Variants in STAB2 observed in about 807,000 individuals in gnomAD.
The protein encoded by STAB2 is stabilin-2.
Under a neutral mutation model 338.1 loss-of-function variants are expected in STAB2, and 288 were observed. That is an observed-to-expected ratio of 0.85 (90% CI 0.77 to 0.94). The LOEUF is 0.94. STAB2 is among the 40% of genes least tolerant of loss of function. The pLI is 0.00. For missense variants in STAB2, 3,141 were observed against 3,210.1 expected (o/e 0.98, Z 0.52); for synonymous variants, 1,202 against 1,193.3 (o/e 1.01, Z -0.15).
At position 103,689,950 on chromosome 12, in the gene STAB2, GT is replaced by G; in HGVS notation, c.3152del (p.Leu1051CysfsTer9). On this transcript the variant is annotated frameshift_variant, in exon 29 of 69. Transcript: ENST00000388887. LOFTEE classifies it high-confidence loss of function. ...DMDQDEKSFW[L>X]SQSNIPALIK... is the part of the protein sequence containing the mutation. Reference sequence around the variant, plus strand: ...TGGACCAGGATGAGAAAAGCTTCTGGTTGTCACAGAGCAATATTCCAGCCCT... The same window carrying G: ...TGGACCAGGATGAGAAAAGCTTCTGGTGTCACAGAGCAATATTCCAGCCCT... 1 of 1,614,056 alleles carries G rather than the reference GT, an allele frequency of 6.2e-7. No individual in the cohort carries two copies. Among genetic ancestry groups the G allele is most frequent in the South Asian group, 1.1e-5 (1 of 91,074 alleles).
At chr12:103,764,951 G>A (rs1025724075) in intron 68 of STAB2, among the ~76,000 whole-genome samples, 15 of 135,504 alleles carry the variant, frequency 1.1e-4, no homozygotes, top group South Asian at 1.1e-3. Context: ...AGGCAGGAGC[G>A]GTGGTGCCTG....
At chr12:103,703,425 AC>A in intron 35 of STAB2, 149 bp downstream of exon 35, 1 of 1,054,208 alleles carries the variant, frequency 9.5e-7, no homozygotes, top group Non-Finnish European at 1.4e-6. Context: ...CAAGGAGCAT[AC>A]CAGGCTGTGG....
chr12:103,670,727 G>A lies in STAB2; in HGVS notation c.2291G>A (p.Cys764Tyr). 6.2e-7 allele frequency: 1 copy of A among 1,614,162 alleles called. No individual in the cohort carries two copies. The highest frequency in any genetic ancestry group is 1.3e-5 in the African/African-American group (1 of 75,066). Residue 764 changes from cysteine to tyrosine, a missense_variant, in exon 22 of 69, where the codon TGC (cysteine) becomes TAC (tyrosine). Coordinates refer to ENST00000388887, the MANE Select transcript of STAB2 (RefSeq NM_017564.10). ...GATAGCCTCGGCGGCAACGGGACATGCATTTGTGAGGAGGGCTTCCAAGGC... is the reference window on the plus strand; with the variant it reads ...GATAGCCTCGGCGGCAACGGGACATACATTTGTGAGGAGGGCTTCCAAGGC... ...CADSLGGNGT[C>Y]ICEEGFQGSQ...
chr12:103,730,643 G>A (rs549958168), intron 49 of STAB2, among the ~76,000 whole-genome samples: 1 of 151,974 alleles, frequency 6.6e-6, no homozygotes, highest in Non-Finnish European at 1.5e-5. Flanking sequence ...ACTACACTTA[G>A]ACAAAAAAAA....
At chr12:103,660,632 C>T (rs1383806517) in intron 16 of STAB2, 51 bp from the exon 17 acceptor site, 1 of 1,569,310 alleles carries the variant, frequency 6.4e-7, no homozygotes, top group Non-Finnish European at 8.8e-7. Context: ...GAACTCAGGG[C>T]CCTGCGTGTG....
In STAB2 at chr12:103,704,540, C is replaced by A. The variant is rs1450334513; in HGVS notation, c.3844-18C>A. 1.2e-6 allele frequency: 2 copies of A among 1,611,110 alleles called. No homozygotes were observed. The highest frequency in any genetic ancestry group is 1.7e-6 in the Non-Finnish European group (2 of 1,178,968). On this transcript the variant is annotated intron_variant, in intron 35 of 68. Coordinates refer to ENST00000388887, the MANE Select transcript of STAB2 (RefSeq NM_017564.10). ...GTATTAAAGTTAATTACATTGATTG[C>A]TTTTGTGTTTTACCAAGGGAAGATG...
chr12:103,645,893 AG>A (rs1457173350), intron 9 of STAB2, among the ~76,000 whole-genome samples: 4 of 135,866 alleles, frequency 2.9e-5, no homozygotes, highest in Non-Finnish European at 4.8e-5. Flanking sequence ...GGGGCTGGGG[AG>A]GGGGGGCAAA....
At chr12:103,754,229 C>T (rs537754540) in intron 61 of STAB2, among the ~76,000 whole-genome samples, 1 of 152,116 alleles carries the variant, frequency 6.6e-6, no homozygotes, top group Admixed American at 6.5e-5. Context: ...GCTTGCTGGT[C>T]ATGTGGCCTT....
At chr12:103,654,502 G>T (rs1874024314) in intron 12 of STAB2, 53 bp from the exon 13 acceptor site, 7 of 1,560,090 alleles carry the variant, frequency 4.5e-6, no homozygotes, top group Non-Finnish European at 6.1e-6. Flanking sequence ...TCCAGTGCTT[G>T]CTCCTTCCAG....
In STAB2 at chr12:103,750,486, C is replaced by A. The variant is rs1001789788; in HGVS notation, c.6439-93C>A. The A allele has an allele frequency of 3.3e-6, 5 of 1,526,012 alleles. No homozygotes were observed. In the African/African-American group the frequency reaches 5.4e-5, roughly 17 times the overall value. The allele number at this position is 1,526,012 out of a possible 1,614,324, so 94.5% of individuals were successfully genotyped here. A position where few individuals can be genotyped will look rare whatever the true frequency, so the allele number is the denominator to read the frequency against. Reference sequence around the variant, plus strand: ...CACGTTCTCTTGGTCCATCTGAACACCTCCTAGGCTGGACATTGGTCCCAT... The same window carrying A: ...CACGTTCTCTTGGTCCATCTGAACAACTCCTAGGCTGGACATTGGTCCCAT... On this transcript the variant is annotated intron_variant, in intron 59 of 68. Transcript: ENST00000388887.
chr12:103,685,009 G>C lies in STAB2; in HGVS notation c.2922G>C (p.Ser974=). Residue 974 remains serine, a synonymous_variant, in exon 27 of 69, where the codon TCG becomes TCC. Coordinates refer to ENST00000388887, the MANE Select transcript of STAB2 (RefSeq NM_017564.10). The part of the protein sequence containing the change: ...CHPLASCQST[S]SGVWSCVCQE... Reference sequence around the variant, plus strand: ...CTCAGGCAAGCTGTCAATCTACTTCGTCTGGTGTCTGGAGCTGTGTTTGTC... The same window carrying C: ...CTCAGGCAAGCTGTCAATCTACTTCCTCTGGTGTCTGGAGCTGTGTTTGTC... 1 of 1,613,812 alleles carries C rather than the reference G, an allele frequency of 6.2e-7. No homozygotes were observed. The highest frequency in any genetic ancestry group is 8.5e-7 in the Non-Finnish European group (1 of 1,179,852).
At chr12:103,748,846 C>A in intron 58 of STAB2, 117 bp from the exon 59 acceptor site, 1 of 1,074,770 alleles carries the variant, frequency 9.3e-7, no homozygotes, top group Non-Finnish European at 1.3e-6. Context: ...AGCACGAACA[C>A]GCAGGGGCCC....
chr12:103,666,110 G>A (rs1252769733), intron 18 of STAB2, among the ~76,000 whole-genome samples, 181 bp from the exon 19 acceptor site: 1 of 152,202 alleles, frequency 6.6e-6, no homozygotes, highest in African/African-American at 2.4e-5. Context: ...CACCCCCAGC[G>A]CTGACTTCAC....
Position 103,753,355 on chromosome 12 carries a change from T to C in STAB2, c.6714+2T>C, listed in dbSNP as rs1410800567. 5 of 1,614,034 alleles carry C rather than the reference T, an allele frequency of 3.1e-6. No individual in the cohort carries two copies. Among genetic ancestry groups the C allele is most frequent in the Non-Finnish European group, 4.2e-6 (5 of 1,180,004 alleles). ...AACCAGCTCTCCTATGCCCAGAAGG[T>C]GGGTCTTCAGTTAGCAGATTCTGTG... On this transcript the variant is annotated splice_donor_variant, in intron 61 of 68. Transcript: ENST00000388887. LOFTEE classifies it high-confidence loss of function.
intron 48 of STAB2, among the ~76,000 whole-genome samples, chr12:103,729,551 G>A (rs766973686): frequency 5.9e-5 from 9 of 152,038 alleles, no homozygotes; most frequent in Non-Finnish European, 1.0e-4. Context: ...CTTAATTTCC[G>A]AATAAGAAAA....
At chr12:103,625,929 G>A (rs1049273623) in intron 5 of STAB2, among the ~76,000 whole-genome samples, 2 of 152,048 alleles carry the variant, frequency 1.3e-5, no homozygotes, top group South Asian at 2.1e-4. Context: ...CTGAGGAATC[G>A]CCACACTGAC....
intron 41 of STAB2, 148 bp from the exon 42 acceptor site, chr12:103,713,495 C>T: frequency 8.5e-7 from 1 of 1,176,652 alleles, no homozygotes; most frequent in Non-Finnish European, 1.2e-6. Flanking sequence ...GTTTTACTTG[C>T]TCTCTGTTTT....
intron 41 of STAB2, among the ~76,000 whole-genome samples, chr12:103,713,252 G>GA (rs958972366): frequency 1.1e-4 from 17 of 152,274 alleles, no homozygotes; most frequent in African/African-American, 4.1e-4. Flanking sequence ...TCTGGTGCTA[G>GA]AAAAAATGGA....
At chr12:103,663,046 G>A (rs2138778401) in intron 18 of STAB2, 48 bp downstream of exon 18, 1 of 1,601,452 alleles carries the variant, frequency 6.2e-7, no homozygotes, top group Non-Finnish European at 8.5e-7. Context: ...GCCCCTCAGA[G>A]CAGAGAGCAT....
Sources: gnomAD v4.1 joint callset for allele counts (sites outside exome capture counted in the v4.1 genomes callset) on GRCh38, gnomAD v4.1.1 for gene constraint, MANE v1.5 for transcripts, NCBI Gene and HGNC (gene_info 2026-07-23, HGNC 2026-07-21) for gene names.